Variants in UNC13C observed in about 807,000 individuals in gnomAD.
UNC13C encodes unc-13 homolog C.
A neutral mutation model predicts 245.4 loss-of-function variants in UNC13C; 174 were observed. That is an observed-to-expected ratio of 0.71 (90% CI 0.63 to 0.80). The LOEUF is 0.80. Among genes scored for constraint, UNC13C ranks in the 30% least tolerant of loss-of-function variants. The pLI, the probability that UNC13C is intolerant of heterozygous loss-of-function variation, is 0.00. For missense variants in UNC13C, 2,829 were observed against 2,602.9 expected (o/e 1.09, Z -1.89); for synonymous variants, 992 against 895.1 (o/e 1.11, Z -1.93).
At chr15:54,278,937 A>C (rs185131824) in intron 10 of UNC13C, among the ~76,000 whole-genome samples, 2 of 152,312 alleles carry the variant, frequency 1.3e-5, no homozygotes, top group Admixed American at 1.3e-4. Flanking sequence ...CTTATGTTTG[A>C]TCAAATTGGG....
intron 19 of UNC13C, among the ~76,000 whole-genome samples, chr15:54,455,179 C>CTCTCTCTCTCTA (rs1891415021): frequency 2.7e-5 from 1 of 36,434 alleles, no homozygotes; most frequent in Non-Finnish European, 5.5e-5. Context: ...CTCTCTCTCT[C>CTCTCTCTCTCTA]TCTCTCTCTC....
chr15:54,276,237 G>T (rs189801065), intron 10 of UNC13C, among the ~76,000 whole-genome samples: 620 of 152,172 alleles, frequency 4.1e-3, no homozygotes, highest in Middle Eastern at 0.017. Context: ...TTATATAGGT[G>T]AATGCATATG....
At chr15:54,377,124 C>T (rs1412988266) in intron 17 of UNC13C, among the ~76,000 whole-genome samples, 1 of 152,158 alleles carries the variant, frequency 6.6e-6, no homozygotes, top group Admixed American at 6.5e-5. Context: ...GATTTTCCTT[C>T]AGAGCCTCCA....
intron 28 of UNC13C, among the ~76,000 whole-genome samples, chr15:54,553,613 A>G (rs1255107384): frequency 6.6e-6 from 1 of 150,618 alleles, no homozygotes; most frequent in Non-Finnish European, 1.5e-5. Context: ...ATATAATATT[A>G]AAACCAATTG....
chr15:54,365,200 T>A (rs112227102), intron 17 of UNC13C, among the ~76,000 whole-genome samples: 4 of 152,168 alleles, frequency 2.6e-5, no homozygotes, highest in African/African-American at 9.6e-5. Flanking sequence ...CAATGCAGGC[T>A]CCCCACTGAG....
rs1566948317 is a variant in UNC13C, at chr15:54,627,138, T to TAACTA, written c.*26_*30dup. The TAACTA allele has an allele frequency of 7.6e-6, 12 of 1,582,864 alleles. No homozygotes were observed. The highest frequency in any genetic ancestry group is 1.0e-5 in the Non-Finnish European group (12 of 1,164,486). The stretch of plus-strand genomic sequence containing the variant: ...AAACAAACACTGCAAGCTAAATACA[T>TAACTA]AACTATAATTGTTTGACTACTGCAT... On this transcript the variant is annotated 3_prime_UTR_variant, in exon 33 of 33. Transcript: ENST00000260323.
At chr15:54,385,652 G>T (rs952384347) in intron 17 of UNC13C, among the ~76,000 whole-genome samples, 6 of 151,956 alleles carry the variant, frequency 3.9e-5, no homozygotes, top group Non-Finnish European at 7.4e-5. Context: ...GCAGACTAGG[G>T]TTACTATACT....
chr15:54,259,930 GGT>G (rs1491091385), intron 8 of UNC13C, among the ~76,000 whole-genome samples: 1 of 148,580 alleles, frequency 6.7e-6, no homozygotes, highest in African/African-American at 2.5e-5. Flanking sequence ...TTATTCCTGT[GGT>G]TTTTTTTTTC....
the UNC13C span, among the ~76,000 whole-genome samples, chr15:53,854,509 A>G: frequency 1.3e-5 from 2 of 152,292 alleles, no homozygotes; most frequent in South Asian, 2.1e-4. Flanking sequence ...AATTTTCTGC[A>G]TATGGCTAAG....
Position 54,237,633 on chromosome 15 carries a change from G to T in UNC13C, c.3171G>T (p.Arg1057=). 6.2e-7 allele frequency: 1 copy of T among 1,612,242 alleles called. No individual in the cohort carries two copies. The highest frequency in any genetic ancestry group is 8.5e-7 in the Non-Finnish European group (1 of 1,179,296). The change falls in exon 7 of 33, where the codon CGG becomes CGT. Residue 1057 remains arginine, a synonymous_variant. Coordinates refer to ENST00000260323, the MANE Select transcript of UNC13C (RefSeq NM_001080534.3). ...GTTTGTTTTAGACCCTGGCTGCCCG[G>T]AAATCTGGACTCTCCCTGGCTATGG... ...VRDVAMTLAA[R]KSGLSLAMVI...
intron 4 of UNC13C, among the ~76,000 whole-genome samples, chr15:54,186,115 G>A (rs1390979419): frequency 6.6e-6 from 1 of 151,846 alleles, no homozygotes; most frequent in Non-Finnish European, 1.5e-5. Context: ...TTTGCACATT[G>A]ATTTTGTATC....
At chr15:54,183,948 G>T (rs965009286) in intron 4 of UNC13C, among the ~76,000 whole-genome samples, 4 of 151,280 alleles carry the variant, frequency 2.6e-5, no homozygotes, top group Admixed American at 2.0e-4. Flanking sequence ...GCTTACTTGG[G>T]GAAAGGACAT....
chr15:54,155,314 G>A (rs928743339), intron 4 of UNC13C, among the ~76,000 whole-genome samples: 1 of 152,090 alleles, frequency 6.6e-6, no homozygotes. Context: ...GGATTCTAAA[G>A]AATAAGTGGA....
intron 8 of UNC13C, among the ~76,000 whole-genome samples, chr15:54,262,578 G>C (rs1371135732): frequency 6.6e-6 from 1 of 152,162 alleles, no homozygotes; most frequent in East Asian, 1.9e-4. Flanking sequence ...TTAATTGCAT[G>C]CAATTTACAA....
At chr15:53,968,623 A>T in the UNC13C span, among the ~76,000 whole-genome samples, 3,482 of 152,232 alleles carry the variant, frequency 0.023, 179 homozygotes, top group East Asian at 0.16. Context: ...CCTAAATCCC[A>T]GGGTCTCACA....
intron 13 of UNC13C, among the ~76,000 whole-genome samples, chr15:54,301,740 G>A (rs1361270474): frequency 1.3e-5 from 2 of 151,936 alleles, no homozygotes; most frequent in East Asian, 1.9e-4. Flanking sequence ...ACAGTGCTGT[G>A]ATAAACATAC....
At chr15:54,392,081 C>T (rs1228118732) in intron 17 of UNC13C, among the ~76,000 whole-genome samples, 1 of 151,988 alleles carries the variant, frequency 6.6e-6, no homozygotes, top group Non-Finnish European at 1.5e-5. Flanking sequence ...CACCTATAAG[C>T]TTGTAAAGGG....
chr15:54,457,505 C>T (rs6493685), intron 19 of UNC13C, among the ~76,000 whole-genome samples: 62,562 of 151,630 alleles, frequency 0.41, 13,191 homozygotes, highest in East Asian at 0.62. Flanking sequence ...TCCATCTGGC[C>T]GTGGACTTTT....
At chr15:53,873,744 T>TCTTTTTCTAGCAGATGACTTGCATTTCTG in the UNC13C span, among the ~76,000 whole-genome samples, 9 of 150,918 alleles carry the variant, frequency 6.0e-5, no homozygotes, top group South Asian at 2.1e-4. Flanking sequence ...GACACACAAC[T>TCTTTTTCTAGCAGATGACTTGCATTTCTG]ATGTTGCCCA....
Sources: allele counts gnomAD v4.1 joint callset (sites outside exome capture counted in the v4.1 genomes callset), GRCh38; gene constraint gnomAD v4.1.1; transcripts MANE v1.5; gene names NCBI Gene and HGNC (gene_info 2026-07-23, HGNC 2026-07-21).